The following THSD4 variants were observed in gnomAD, a reference collection of about 807,000 sequenced individuals.
THSD4 encodes thrombospondin type 1 domain containing 4, also known as thrombospondin type-1 domain-containing protein 4.
Under a neutral mutation model 119.0 loss-of-function variants are expected in THSD4, and 69 were observed. The ratio of observed to expected loss-of-function variants is 0.58; its 90% CI spans 0.48 to 0.71. The LOEUF (loss-of-function observed/expected upper bound fraction) is 0.71. Ranked by LOEUF, THSD4 falls within the 30% of genes least tolerant of loss-of-function variation. The pLI is 0.00. For missense variants in THSD4, 1,393 were observed against 1,391.1 expected, an observed-to-expected ratio of 1.00 and a Z score of -0.02; for synonymous variants, 524 against 540.4, an observed-to-expected ratio of 0.97 and a Z score of 0.42.
At chr15:71,693,810 C>T (rs1464682922) in intron 8 of THSD4, among the ~76,000 whole-genome samples, 1 of 152,134 alleles carries the variant, frequency 6.6e-6, no homozygotes, top group East Asian at 1.9e-4. Context: ...TACTCTCTCG[C>T]CTGCCACCAT....
At chr15:71,250,637 A>G (rs1489234606) in intron 5 of THSD4, among the ~76,000 whole-genome samples, 1 of 152,210 alleles carries the variant, frequency 6.6e-6, no homozygotes, top group Admixed American at 6.5e-5. Flanking sequence ...TAACAAGTTT[A>G]CATTTTGCCA....
At chr15:71,749,763 G>A (rs866925932) in intron 14 of THSD4, among the ~76,000 whole-genome samples, 10 of 125,876 alleles carry the variant, frequency 7.9e-5, no homozygotes, top group Middle Eastern at 4.8e-3. Context: ...TCTATTGCCC[G>A]GGCTGGAGTG....
chr15:71,497,548 A>AATATAT (rs2048041137), intron 7 of THSD4, among the ~76,000 whole-genome samples: 1 of 151,966 alleles, frequency 6.6e-6, no homozygotes, highest in Non-Finnish European at 1.5e-5. Flanking sequence ...TGAGTGAAAT[A>AATATAT]ATATATATAC....
At chr15:71,473,989 G>A (rs1208466044) in intron 7 of THSD4, among the ~76,000 whole-genome samples, 2 of 152,178 alleles carry the variant, frequency 1.3e-5, no homozygotes, top group African/African-American at 4.8e-5. Flanking sequence ...CTGCTGGGCA[G>A]TCTCTTGATA....
At chr15:71,405,060 T>C (rs1340172422) in intron 6 of THSD4, among the ~76,000 whole-genome samples, 1 of 152,106 alleles carries the variant, frequency 6.6e-6, no homozygotes, top group Non-Finnish European at 1.5e-5. Context: ...GGCTAATTTT[T>C]GTATTTTTAG....
At chr15:71,311,269 G>A (rs1306558092) in intron 6 of THSD4, among the ~76,000 whole-genome samples, 1 of 152,180 alleles carries the variant, frequency 6.6e-6, no homozygotes, top group African/African-American at 2.4e-5. Context: ...AGTTGTCATA[G>A]GCCACCTCTA....
At chr15:71,721,178 C>T (rs1428223467) in intron 8 of THSD4, among the ~76,000 whole-genome samples, 2 of 150,854 alleles carry the variant, frequency 1.3e-5, no homozygotes, top group Non-Finnish European at 3.0e-5. Flanking sequence ...ACTAGCCTGG[C>T]CAACATGGTG....
chr15:71,401,873 C>G (rs535085684), intron 6 of THSD4, among the ~76,000 whole-genome samples: 1 of 152,216 alleles, frequency 6.6e-6, no homozygotes, highest in East Asian at 1.9e-4. Flanking sequence ...CAATGATAGA[C>G]TGGATTAAGA....
chr15:71,590,985 G>A (rs1276671894), intron 7 of THSD4, among the ~76,000 whole-genome samples: 5 of 101,114 alleles, frequency 4.9e-5, no homozygotes, highest in South Asian at 3.5e-4. Context: ...CAGCCTGGGC[G>A]ACAGAGCAAG....
Position 71,781,789 on chromosome 15 carries a change from G to C in THSD4, c.*4415G>C, listed in dbSNP as rs1318209749. 6.6e-6 allele frequency: 1 copy of C among 152,458 alleles called. No individual in the cohort carries two copies. The highest frequency in any genetic ancestry group is 1.9e-4 in the East Asian group (1 of 5,184). 9.4% of individuals were successfully genotyped at this position (152,458 alleles called of 1,614,324 possible). ...CCGTTTGCCAGGGATGCTGGAGAGG[G>C]GATTCAAGCATCTGGCTGGGCAACG... On this transcript the variant is annotated 3_prime_UTR_variant, in exon 18 of 18. Coordinates refer to ENST00000261862, the MANE Select transcript of THSD4 (RefSeq NM_024817.3).
intron 7 of THSD4, among the ~76,000 whole-genome samples, chr15:71,457,795 G>T (rs2047361738): frequency 6.6e-6 from 1 of 152,144 alleles, no homozygotes; most frequent in Non-Finnish European, 1.5e-5. Context: ...TCCCGGATCC[G>T]TTATTCTTAC....
chr15:71,117,523 G>A (rs1019535455), intron 1 of THSD4, among the ~76,000 whole-genome samples: 3 of 152,098 alleles, frequency 2.0e-5, no homozygotes, highest in African/African-American at 7.2e-5. Context: ...CACATTTATA[G>A]CTCATTCATC....
intron 15 of THSD4, among the ~76,000 whole-genome samples, 199 bp downstream of exon 15, chr15:71,758,274 G>A (rs1191396546): frequency 2.0e-5 from 3 of 152,216 alleles, no homozygotes; most frequent in Admixed American, 6.5e-5. Context: ...CCTACGGTGT[G>A]CTCATCTAAG....
chr15:71,548,383 TGCCTTTTGTTA>T (rs1189886394), intron 7 of THSD4, among the ~76,000 whole-genome samples: 1 of 152,240 alleles, frequency 6.6e-6, no homozygotes, highest in Non-Finnish European at 1.5e-5. Context: ...TTCACAGCTT[TGCCTTTTGTTA>T]GCCTTGTCAG....
intron 7 of THSD4, among the ~76,000 whole-genome samples, chr15:71,492,207 C>A (rs1296455842): frequency 6.6e-6 from 1 of 151,628 alleles, no homozygotes; most frequent in South Asian, 2.1e-4. Context: ...GTGGATGGGA[C>A]ACCATTAGTC....
intron 3 of THSD4, among the ~76,000 whole-genome samples, chr15:71,195,242 TAA>T (rs2043709606): frequency 6.6e-6 from 1 of 152,130 alleles, no homozygotes; most frequent in Admixed American, 6.5e-5. Flanking sequence ...CCCAAAATAT[TAA>T]AAGAGGATGA....
At chr15:71,372,098 C>G (rs182872302) in intron 6 of THSD4, among the ~76,000 whole-genome samples, 2 of 152,288 alleles carry the variant, frequency 1.3e-5, no homozygotes, top group African/African-American at 4.8e-5. Flanking sequence ...GCATTCGTCA[C>G]GTAGTTCTTG....
chr15:71,161,707 A>AT (rs1391829886), intron 3 of THSD4, among the ~76,000 whole-genome samples: 2 of 150,332 alleles, frequency 1.3e-5, no homozygotes, highest in East Asian at 2.0e-4. Flanking sequence ...CAGTTACTCT[A>AT]TTTTTTTTAA....
At chr15:71,734,145 G>C (rs1055181835) in intron 10 of THSD4, among the ~76,000 whole-genome samples, 2 of 152,014 alleles carry the variant, frequency 1.3e-5, no homozygotes, top group African/African-American at 4.8e-5. Context: ...AGTAACCCTA[G>C]AATTTGCCTC....
Sources: allele counts gnomAD v4.1 joint callset (sites outside exome capture counted in the v4.1 genomes callset), GRCh38; gene constraint gnomAD v4.1.1; transcripts MANE v1.5; gene names NCBI Gene and HGNC (gene_info 2026-07-23, HGNC 2026-07-21).